Variants in CPXM2 observed in about 807,000 individuals in gnomAD.
CPXM2 encodes carboxypeptidase X, M14 family member 2, also known as inactive carboxypeptidase-like protein X2.
Under a neutral mutation model 86.1 loss-of-function variants are expected in CPXM2, and 66 were observed. That is an observed-to-expected ratio of 0.77 (90% CI 0.63 to 0.94). The LOEUF (loss-of-function observed/expected upper bound fraction) is 0.94. CPXM2 is among the 40% of genes least tolerant of loss of function. The pLI is 0.00. For synonymous variants in CPXM2, 388 were observed against 400.2 expected, an observed-to-expected ratio of 0.97 and a Z score of 0.36; for missense variants, 948 against 1,026.3, an observed-to-expected ratio of 0.92 and a Z score of 1.04.
intron 2 of CPXM2, among the ~76,000 whole-genome samples, chr10:123,914,593 A>G (rs929540144): frequency 6.6e-6 from 1 of 152,214 alleles, no homozygotes; most frequent in African/African-American, 2.4e-5. Context: ...GGTCTCTGCC[A>G]ACAACACCAT....
chr10:123,882,139 G>A (rs1945103085), intron 1 of CPXM2, among the ~76,000 whole-genome samples: 1 of 152,168 alleles, frequency 6.6e-6, no homozygotes, highest in African/African-American at 2.4e-5. Context: ...AAATTCAAGG[G>A]GCACATTGGG....
intron 3 of CPXM2, among the ~76,000 whole-genome samples, chr10:123,847,905 A>G (rs1255848641): frequency 6.6e-6 from 1 of 152,152 alleles, no homozygotes; most frequent in Non-Finnish European, 1.5e-5. Flanking sequence ...CATATTTCAT[A>G]ATCATGGGCT....
chr10:123,919,181 A>G (rs751251537), intron 2 of CPXM2, among the ~76,000 whole-genome samples: 8 of 152,220 alleles, frequency 5.3e-5, no homozygotes, highest in Non-Finnish European at 1.2e-4. Context: ...GTCCCCACAC[A>G]GGACATATCC....
intron 3 of CPXM2, among the ~76,000 whole-genome samples, chr10:123,846,862 G>GT (rs1451898131): frequency 6.6e-6 from 1 of 151,788 alleles, no homozygotes; most frequent in Non-Finnish European, 1.5e-5. Context: ...GATATTGAAG[G>GT]TTTTTTTTGT....
At chr10:123,878,776 G>A (rs950010208) in intron 2 of CPXM2, among the ~76,000 whole-genome samples, 1 of 152,130 alleles carries the variant, frequency 6.6e-6, no homozygotes, top group African/African-American at 2.4e-5. Flanking sequence ...TCTGATGGCA[G>A]TAAGACCCAG....
At chr10:123,925,021 A>T (rs1945612080) in intron 2 of CPXM2, among the ~76,000 whole-genome samples, 1 of 152,160 alleles carries the variant, frequency 6.6e-6, no homozygotes, top group Non-Finnish European at 1.5e-5. Flanking sequence ...ATTGTATCAC[A>T]ATAAGAAAAT....
chr10:123,764,643 T>C (rs1333794215), intron 10 of CPXM2, among the ~76,000 whole-genome samples: 1 of 152,002 alleles, frequency 6.6e-6, no homozygotes, highest in Admixed American at 6.6e-5. Context: ...TGCACCACCA[T>C]GCCTGGCTAA....
intron 4 of CPXM2, among the ~76,000 whole-genome samples, chr10:123,811,998 A>G (rs1470694861): frequency 1.3e-5 from 2 of 152,216 alleles, no homozygotes; most frequent in African/African-American, 4.8e-5. Flanking sequence ...ATCAACTTAG[A>G]CAGCAAATGT....
intron 4 of CPXM2, among the ~76,000 whole-genome samples, chr10:123,817,732 G>C (rs988688229): frequency 1.1e-4 from 16 of 152,180 alleles, no homozygotes; most frequent in African/African-American, 3.9e-4. Context: ...TAGCCTCATG[G>C]GGAGTTCCCT....
chr10:123,845,683 C>A (rs1397662169), intron 3 of CPXM2, among the ~76,000 whole-genome samples: 1 of 152,090 alleles, frequency 6.6e-6, no homozygotes, highest in Non-Finnish European at 1.5e-5. Flanking sequence ...CAAATAAAAA[C>A]TGTACTTTCC....
At chr10:123,864,955 C>A (rs563734244) in intron 2 of CPXM2, among the ~76,000 whole-genome samples, 1 of 152,214 alleles carries the variant, frequency 6.6e-6, no homozygotes, top group South Asian at 2.1e-4. Flanking sequence ...CATGGGTGCA[C>A]GTCTAATAGC....
intron 3 of CPXM2, among the ~76,000 whole-genome samples, chr10:123,851,958 G>C (rs892243663): frequency 2.0e-5 from 3 of 152,086 alleles, no homozygotes; most frequent in African/African-American, 7.2e-5. Flanking sequence ...GGGAGGCAGA[G>C]ACTGGGGTGA....
At chr10:123,792,801 C>T (rs1052229414) in intron 6 of CPXM2, among the ~76,000 whole-genome samples, 2 of 152,158 alleles carry the variant, frequency 1.3e-5, no homozygotes, top group African/African-American at 4.8e-5. Context: ...TCTGTTATCC[C>T]CACACCTTCT....
intron 6 of CPXM2, among the ~76,000 whole-genome samples, chr10:123,796,909 T>C (rs1847346398): frequency 6.6e-6 from 1 of 152,208 alleles, no homozygotes; most frequent in Non-Finnish European, 1.5e-5. Flanking sequence ...AAGTTTCCTA[T>C]AGGCCCCATG....
intron 3 of CPXM2, among the ~76,000 whole-genome samples, chr10:123,859,903 C>T (rs373504309): frequency 1.3e-4 from 20 of 152,146 alleles, no homozygotes; most frequent in Non-Finnish European, 1.8e-4. Context: ...CCCTGCTGGA[C>T]GCCCCATCTA....
upstream of CPXM2, among the ~76,000 whole-genome samples, chr10:123,943,474 C>T (rs1945795642): frequency 6.6e-6 from 1 of 152,160 alleles, no homozygotes. Flanking sequence ...AGGGATTTGC[C>T]AGCCGTGCAG....
At chr10:123,773,783 T>A (rs1846715882) in intron 7 of CPXM2, among the ~76,000 whole-genome samples, 1 of 152,156 alleles carries the variant, frequency 6.6e-6, no homozygotes, top group Non-Finnish European at 1.5e-5. Context: ...AATAAATGCA[T>A]GCTGTTTTCT....
At position 123,923,866 on chromosome 10, in the gene CPXM2, C is replaced by A. The variant is rs571128536; in HGVS notation, n.174+15611G>T. Among the ~76,000 whole-genome samples, 8 of 152,300 alleles carry A rather than the reference C, an allele frequency of 5.3e-5. No homozygotes were observed. In the South Asian group the frequency reaches 8.3e-4, roughly 16 times the overall value. The stretch of plus-strand genomic sequence containing the variant: ...CTTGTCTGCCTCCATGTGAGACATG[C>A]CTTTCACCTTCTGCCATGATTGTGA... On this transcript the variant is annotated intron_variant and non_coding_transcript_variant, in intron 2 of 19. Coordinates refer to the CPXM2 transcript ENST00000368854.
rs139541485 is a variant in CPXM2 at position 123,770,000 on chromosome 10, G to A, written c.1102+916C>T. On this transcript the variant is annotated intron_variant, in intron 8 of 13. Coordinates refer to ENST00000241305, the MANE Select transcript of CPXM2 (RefSeq NM_198148.3). ...CATTTAAAATAAACTCCTGCTGGGC[G>A]TGGTGCCTCACTCCTGTAATCCCAG... 9.8e-5 allele frequency among the ~76,000 whole-genome samples: 15 copies of A among 152,306 alleles called. No homozygotes were observed. The East Asian group carries it at 1.2e-3, about 12-fold the overall frequency.
Sources: gnomAD v4.1 joint callset for allele counts (sites outside exome capture counted in the v4.1 genomes callset) on GRCh38, gnomAD v4.1.1 for gene constraint, MANE v1.5 for transcripts, NCBI Gene and HGNC (gene_info 2026-07-23, HGNC 2026-07-21) for gene names.